Variants in ASTN2 observed in about 807,000 individuals in gnomAD.
ASTN2 encodes the protein astrotactin-2.
Under a neutral mutation model 139.8 loss-of-function variants are expected in ASTN2, and 54 were observed. That is an observed-to-expected ratio of 0.39 (90% CI 0.31 to 0.48). The LOEUF (loss-of-function observed/expected upper bound fraction) is 0.48. Ranked by LOEUF, ASTN2 falls within the 20% of genes least tolerant of loss-of-function variation. ASTN2 has a pLI of 0.95. For synonymous variants in ASTN2, 756 were observed against 719.5 expected (o/e 1.05, Z -0.81); for missense variants, 1,565 against 1,725.1 (o/e 0.91, Z 1.64).
chr9:116,921,035 T>C (rs1356176658), intron 10 of ASTN2, among the ~76,000 whole-genome samples: 1 of 152,170 alleles, frequency 6.6e-6, no homozygotes, highest in Non-Finnish European at 1.5e-5. Context: ...ATAGGAAGTA[T>C]GGCCACATCT....
intron 16 of ASTN2, among the ~76,000 whole-genome samples, chr9:116,677,964 T>C (rs1369714756): frequency 6.6e-6 from 1 of 152,206 alleles, no homozygotes; most frequent in Non-Finnish European, 1.5e-5. Flanking sequence ...ATGTGTTGTA[T>C]GTTTATATCT....
intron 2 of ASTN2, among the ~76,000 whole-genome samples, chr9:117,220,881 C>T (rs750829776): frequency 3.0e-4 from 46 of 152,196 alleles, no homozygotes; most frequent in Non-Finnish European, 5.7e-4. Context: ...GATCACTTCC[C>T]CAGGGAACAT....
intron 5 of ASTN2, among the ~76,000 whole-genome samples, chr9:117,091,375 T>C (rs147553714): frequency 2.0e-5 from 3 of 152,330 alleles, no homozygotes; most frequent in East Asian, 1.9e-4. Flanking sequence ...AATGTGTCTA[T>C]GCTCGTGAAG....
At chr9:117,138,498 A>G (rs1232230009) in intron 4 of ASTN2, among the ~76,000 whole-genome samples, 1 of 152,242 alleles carries the variant, frequency 6.6e-6, no homozygotes, top group Non-Finnish European at 1.5e-5. Flanking sequence ...GGCAGGAGCC[A>G]GAGCCAGATC....
intron 19 of ASTN2, among the ~76,000 whole-genome samples, chr9:116,534,013 C>T (rs1394525449): frequency 6.6e-6 from 1 of 152,106 alleles, no homozygotes; most frequent in Non-Finnish European, 1.5e-5. Context: ...GGTTGGTAGG[C>T]TTTAAATTAT....
intron 12 of ASTN2, among the ~76,000 whole-genome samples, chr9:116,816,911 A>ATAAATAAATAAATAAATAAATAAG (rs145637379): frequency 6.6e-6 from 1 of 151,720 alleles, no homozygotes; most frequent in Non-Finnish European, 1.5e-5. Flanking sequence ...AAATAAATAA[A>ATAAATAAATAAATAAATAAATAAG]TAAATAAATA....
At chr9:117,053,443 C>A (rs770231846) in intron 5 of ASTN2, among the ~76,000 whole-genome samples, 10 of 148,010 alleles carry the variant, frequency 6.8e-5, no homozygotes, top group Non-Finnish European at 1.5e-4. Flanking sequence ...TAGAGAGAGA[C>A]CCTGTCTCTT....
chr9:117,324,126 AC>A (rs1402140690), intron 1 of ASTN2, among the ~76,000 whole-genome samples: 1 of 152,142 alleles, frequency 6.6e-6, no homozygotes. Context: ...AGGAAGCCCA[AC>A]CCAGCCACAC....
chr9:116,932,078 T>G (rs1265545535), intron 10 of ASTN2, among the ~76,000 whole-genome samples: 1 of 152,110 alleles, frequency 6.6e-6, no homozygotes, highest in African/African-American at 2.4e-5. Context: ...TTAGAGGCCA[T>G]GGTAACACAC....
At chr9:117,294,948 C>G (rs1290885679) in intron 1 of ASTN2, among the ~76,000 whole-genome samples, 1 of 152,224 alleles carries the variant, frequency 6.6e-6, no homozygotes, top group Non-Finnish European at 1.5e-5. Context: ...CCTGTCCACT[C>G]TAGCTGAAGT....
chr9:117,241,602 G>C (rs1460461934), intron 2 of ASTN2, among the ~76,000 whole-genome samples: 1 of 152,136 alleles, frequency 6.6e-6, no homozygotes, highest in East Asian at 1.9e-4. Context: ...TAGGATTCGT[G>C]GTCCTATGAG....
At chr9:116,891,607 G>A (rs1833762956) in intron 10 of ASTN2, among the ~76,000 whole-genome samples, 1 of 152,212 alleles carries the variant, frequency 6.6e-6, no homozygotes, top group African/African-American at 2.4e-5. Context: ...TACAGATGCA[G>A]GCAGGCTCTA....
intron 10 of ASTN2, among the ~76,000 whole-genome samples, chr9:116,921,403 A>G (rs1372891079): frequency 3.8e-5 from 2 of 52,252 alleles, no homozygotes; most frequent in Non-Finnish European, 9.3e-5. Flanking sequence ...ACTGACTAAC[A>G]CGGTGAAACT....
chr9:117,103,006 G>A (rs1443791373), intron 4 of ASTN2, among the ~76,000 whole-genome samples: 1 of 152,074 alleles, frequency 6.6e-6, no homozygotes, highest in Non-Finnish European at 1.5e-5. Flanking sequence ...TAGCCACCTT[G>A]AAAGAATCAA....
At chr9:116,487,962 T>C (rs2119085733) in intron 19 of ASTN2, among the ~76,000 whole-genome samples, 1 of 152,292 alleles carries the variant, frequency 6.6e-6, no homozygotes, top group Non-Finnish European at 1.5e-5. Context: ...CATGTCAAAT[T>C]GCCACTGTTA....
intron 16 of ASTN2, among the ~76,000 whole-genome samples, chr9:116,659,187 T>C (rs1168276631): frequency 1.4e-5 from 2 of 140,600 alleles, no homozygotes; most frequent in Non-Finnish European, 2.9e-5. Context: ...GTTTTTATTA[T>C]TTGATTTAAT....
rs192670469 is a variant in ASTN2 at position 117,206,946 on chromosome 9, C to A, written c.1015+7412G>T. Reference sequence around the variant, plus strand: ...GGCCTGCCTAATAGTTCTACGCCCCCTAAAAGAGCATGAGAAACTGTCCCA... The same window carrying A: ...GGCCTGCCTAATAGTTCTACGCCCCATAAAAGAGCATGAGAAACTGTCCCA... On this transcript the variant is annotated intron_variant, in intron 3 of 22. Coordinates refer to ENST00000313400, the MANE Select transcript of ASTN2 (RefSeq NM_001365068.1). Among the ~76,000 whole-genome samples the A allele has an allele frequency of 9.8e-5, 15 of 152,302 alleles. No homozygotes were observed. In the East Asian group the frequency reaches 2.7e-3, roughly 28 times the overall value.
At chr9:117,409,357 T>G (rs1036711459) in intron 1 of ASTN2, among the ~76,000 whole-genome samples, 2 of 152,220 alleles carry the variant, frequency 1.3e-5, no homozygotes, top group Admixed American at 6.5e-5. Flanking sequence ...AAGCACTCAT[T>G]GTCCACCTTT....
At chr9:117,232,005 A>G (rs75366726) in intron 2 of ASTN2, among the ~76,000 whole-genome samples, 3,139 of 152,238 alleles carry the variant, frequency 0.021, 96 homozygotes, top group African/African-American at 0.068. Flanking sequence ...GAAGGGGATT[A>G]GAAGATCTGT....
Sources: gnomAD v4.1 joint callset for allele counts (sites outside exome capture counted in the v4.1 genomes callset) on GRCh38, gnomAD v4.1.1 for gene constraint, MANE v1.5 for transcripts, NCBI Gene and HGNC (gene_info 2026-07-23, HGNC 2026-07-21) for gene names.